USP28: variants seen among roughly 807,000 people sequenced by gnomAD.
USP28 encodes the protein ubiquitin carboxyl-terminal hydrolase 28.
In USP28, 113 loss-of-function variants were observed where a neutral mutation model predicts 145.0. The ratio of observed to expected loss-of-function variants is 0.78; its 90% CI spans 0.67 to 0.91. The LOEUF (loss-of-function observed/expected upper bound fraction) is 0.91. Among genes scored for constraint, USP28 ranks in the 40% least tolerant of loss-of-function variants. USP28 has a pLI of 0.00. For synonymous variants in USP28, 447 were observed against 450.9 expected, an observed-to-expected ratio of 0.99 and a Z score of 0.11; for missense variants, 1,201 against 1,289.6, an observed-to-expected ratio of 0.93 and a Z score of 1.05.
intron 1 of USP28, among the ~76,000 whole-genome samples, chr11:113,859,662 T>C (rs1947435709): frequency 6.6e-6 from 1 of 152,042 alleles, no homozygotes; most frequent in Non-Finnish European, 1.5e-5. Context: ...GATCCTACCA[T>C]ATTACTAACT....
intron 10 of USP28, among the ~76,000 whole-genome samples, chr11:113,828,479 T>C (rs1001236129): frequency 1.3e-5 from 2 of 152,214 alleles, no homozygotes; most frequent in Non-Finnish European, 2.9e-5. Context: ...TATTTTCATA[T>C]GGCTCATGTT....
chr11:113,840,287 G>A (rs756687186), intron 5 of USP28, among the ~76,000 whole-genome samples: 1 of 151,984 alleles, frequency 6.6e-6, no homozygotes, highest in African/African-American at 2.4e-5. Flanking sequence ...CACCACTGTC[G>A]CCTACCTGGA....
chr11:113,828,769 T>C (rs1001606896), intron 10 of USP28: 1 of 314,574 alleles, frequency 3.2e-6, no homozygotes, highest in Non-Finnish European at 6.3e-6. Context: ...ATTTTAAAAA[T>C]GTTAAAAGCA....
At chr11:113,801,389 C>T (rs1056432410) in intron 24 of USP28, 94 bp downstream of exon 25, 3 of 1,001,784 alleles carry the variant, frequency 3.0e-6, no homozygotes, top group Non-Finnish European at 4.3e-6. Flanking sequence ...GTTCCAATTC[C>T]TTAAAAAGGT....
At chr11:113,812,872 T>G (rs945233790) in intron 15 of USP28, among the ~76,000 whole-genome samples, 1 of 152,236 alleles carries the variant, frequency 6.6e-6, no homozygotes, top group Non-Finnish European at 1.5e-5. Flanking sequence ...ATTTGGGACC[T>G]ACAAAGGTTA....
intron 18 of USP28, among the ~76,000 whole-genome samples, chr11:113,807,742 T>G (rs1293947068): frequency 1.3e-5 from 2 of 152,142 alleles, no homozygotes; most frequent in African/African-American, 4.8e-5. Context: ...TAAGCCTGGG[T>G]AGATATACAT....
chr11:113,832,028 T>C, intron 7 of USP28, 35 bp from the exon 8 acceptor site: 1 of 1,557,124 alleles, frequency 6.4e-7, no homozygotes, highest in South Asian at 1.1e-5. Context: ...AAAAGTTAGA[T>C]GCAATACTAA....
intron 1 of USP28, among the ~76,000 whole-genome samples, chr11:113,860,442 C>CA (rs4020501): frequency 0.18 from 24,288 of 134,354 alleles, 2,196 homozygotes; most frequent in Middle Eastern, 0.22. Context: ...CCAAGGGAAG[C>CA]AAAAAAAAAA....
At chr11:113,860,994 G>A (rs971416433) in intron 1 of USP28, among the ~76,000 whole-genome samples, 2 of 147,378 alleles carry the variant, frequency 1.4e-5, no homozygotes, top group East Asian at 2.0e-4. Flanking sequence ...GGCAGGCACC[G>A]GTAGTCCCAG....
At chr11:113,827,296 G>A (rs750572706) in exon 11 of USP28, 6 of 1,612,966 alleles carry the variant, frequency 3.7e-6, no homozygotes, top group Non-Finnish European at 5.1e-6. Context: ...CTGCCCAAGG[G>A]ACTGATTAAA....
At chr11:113,818,174 CAG>C (rs151070658) in intron 12 of USP28, 12,840 of 167,376 alleles carry the variant, frequency 0.077, 687 homozygotes, top group Non-Finnish European at 0.11. Flanking sequence ...TTTTTTGAGA[CAG>C]AGTCTCCCTC....
At chr11:113,814,057 TTTCAG>T in intron 14 of USP28, 102 bp from the exon 15 acceptor site, 1 of 828,326 alleles carries the variant, frequency 1.2e-6, no homozygotes, top group East Asian at 2.7e-5. Flanking sequence ...GTCCTAATGA[TTTCAG>T]CTTCCCTCTA....
At position 113,823,594 on chromosome 11, in the gene USP28, C is replaced by T. The variant is rs750019256; in HGVS notation, c.1283+11G>A. 3.1e-6 allele frequency: 5 copies of T among 1,591,730 alleles called. No homozygotes were observed. Among genetic ancestry groups the T allele is most frequent in the Non-Finnish European group, 4.3e-6 (5 of 1,164,546 alleles). On this transcript the variant is annotated intron_variant, in intron 12 of 24. Coordinates refer to ENST00000003302, the Ensembl canonical transcript of USP28. ...TTTACATTTCTAAGCATGAAGGTGT[C>T]CAAAACTCACCTTTCCAATTTTTGC...
At chr11:113,837,494 T>G (rs1688017011) in intron 5 of USP28, among the ~76,000 whole-genome samples, 1 of 152,206 alleles carries the variant, frequency 6.6e-6, no homozygotes, top group Non-Finnish European at 1.5e-5. Context: ...TCAGAAAAGC[T>G]CACTCTGGGA....
intron 3 of USP28, among the ~76,000 whole-genome samples, chr11:113,844,856 G>A (rs974632552): frequency 1.3e-5 from 2 of 152,138 alleles, no homozygotes; most frequent in African/African-American, 4.8e-5. Flanking sequence ...TGTAATCCCA[G>A]CACTTTGAGA....
chr11:113,820,110 T>A (rs1942379463), intron 12 of USP28, among the ~76,000 whole-genome samples: 1 of 152,202 alleles, frequency 6.6e-6, no homozygotes, highest in Non-Finnish European at 1.5e-5. Context: ...ATTTGCAACC[T>A]CCAGCATAAA....
chr11:113,804,142 A>G (rs1367138504), intron 21 of USP28, among the ~76,000 whole-genome samples: 1 of 152,228 alleles, frequency 6.6e-6, no homozygotes, highest in Non-Finnish European at 1.5e-5. Context: ...CCTAATTTCT[A>G]ACAGCTATGT....
chr11:113,799,484 C>CTA, intron 24 of USP28, 69 bp from the exon 26 acceptor site: 1 of 1,514,038 alleles, frequency 6.6e-7, no homozygotes. Context: ...AACAAGCCTT[C>CTA]TATTAGCCCC....
At chr11:113,817,927 C>T in intron 12 of USP28, 90 bp from the exon 13 acceptor site, 1 of 1,373,774 alleles carries the variant, frequency 7.3e-7, no homozygotes. Context: ...CACAGCAAGT[C>T]AATGGAAAGG....
Sources: gnomAD v4.1 joint callset for allele counts (sites outside exome capture counted in the v4.1 genomes callset) on GRCh38, gnomAD v4.1.1 for gene constraint, MANE v1.5 for transcripts, NCBI Gene and HGNC (gene_info 2026-07-23, HGNC 2026-07-21) for gene names.